ABCB5: variants seen among roughly 807,000 people sequenced by gnomAD.
The protein encoded by ABCB5 is ATP-binding cassette sub-family B member 5.
In ABCB5, 155 loss-of-function variants were observed where a neutral mutation model predicts 144.2. That is an observed-to-expected ratio of 1.08 (90% CI 0.94 to 1.23). The LOEUF (loss-of-function observed/expected upper bound fraction) is 1.23. Ranked by LOEUF, ABCB5 falls within the 50% of genes most tolerant of loss-of-function variation. The pLI, the probability that ABCB5 is intolerant of heterozygous loss-of-function variation, is 0.00. For missense variants in ABCB5, 1,830 were observed against 1,520.8 expected, an observed-to-expected ratio of 1.20 and a Z score of -3.38; for synonymous variants, 610 against 528.6, an observed-to-expected ratio of 1.15 and a Z score of -2.11.
intron 4 of ABCB5, among the ~76,000 whole-genome samples, chr7:20,630,874 G>A (rs1015128911): frequency 6.6e-6 from 1 of 152,140 alleles, no homozygotes; most frequent in African/African-American, 2.4e-5. Flanking sequence ...TCAAGGCTTC[G>A]CCAGTTTCCT....
At chr7:20,670,697 G>T (rs755292292) in intron 14 of ABCB5, among the ~76,000 whole-genome samples, 4 of 152,138 alleles carry the variant, frequency 2.6e-5, no homozygotes, top group Non-Finnish European at 5.9e-5. Context: ...ATCACCTGAG[G>T]TCGGGAGTTT....
intron 19 of ABCB5, among the ~76,000 whole-genome samples, chr7:20,702,658 T>C (rs1195840760): frequency 1.1e-4 from 3 of 28,452 alleles, no homozygotes; most frequent in Admixed American, 4.2e-4. Context: ...ATAATGGATT[T>C]TTTTTTTTTT....
intron 13 of ABCB5, among the ~76,000 whole-genome samples, chr7:20,655,669 T>C (rs1453730139): frequency 6.6e-6 from 1 of 152,150 alleles, no homozygotes; most frequent in East Asian, 1.9e-4. Context: ...TCTAAAGAAA[T>C]AGAAAGTACC....
chr7:20,642,381 C>T (rs1349277578), intron 5 of ABCB5, among the ~76,000 whole-genome samples: 3 of 152,160 alleles, frequency 2.0e-5, no homozygotes, highest in South Asian at 2.1e-4. Flanking sequence ...CTTAATTTCA[C>T]GTTTTGGATC....
At chr7:20,622,825 T>C (rs1783827513) in intron 1 of ABCB5, among the ~76,000 whole-genome samples, 1 of 152,124 alleles carries the variant, frequency 6.6e-6, no homozygotes, top group African/African-American at 2.4e-5. Flanking sequence ...TTTCGTAAAC[T>C]AGAAAACCCT....
rs780032555 is a variant in ABCB5, at chr7:20,739,000, C to T, written c.2885C>T (p.Ala962Val). The T allele has an allele frequency of 1.9e-5, 30 of 1,603,846 alleles. 1 individual carries two copies. The South Asian group carries it at 1.9e-4, about 10-fold the overall frequency. ...EGMFIVFTAIAYGAMAIGETL... is the reference protein window; with the variant it reads ...EGMFIVFTAIVYGAMAIGETL... ...TTTGATAGAGTTTTTACTGCAATTG[C>T]ATATGGAGCTATGGCCATCGGAGAA... The change falls in exon 24 of 28, where the codon GCA becomes GTA. Residue 962 changes from alanine to valine, a missense_variant. Coordinates refer to ENST00000404938, the MANE Select transcript of ABCB5 (RefSeq NM_001163941.2).
chr7:20,618,451 G>T (rs568692048), intron 1 of ABCB5, among the ~76,000 whole-genome samples: 1 of 152,260 alleles, frequency 6.6e-6, no homozygotes, highest in East Asian at 1.9e-4. Flanking sequence ...GTGCAGGCAG[G>T]TTTGTTACAT....
intron 21 of ABCB5, among the ~76,000 whole-genome samples, 193 bp downstream of exon 21, chr7:20,723,412 T>G (rs1349162968): frequency 6.6e-6 from 1 of 152,218 alleles, no homozygotes; most frequent in East Asian, 1.9e-4. Flanking sequence ...AGATATGTTA[T>G]AGCAATAGGG....
chr7:20,693,344 T>A (rs180920103), intron 16 of ABCB5, among the ~76,000 whole-genome samples: 13 of 151,736 alleles, frequency 8.6e-5, no homozygotes, highest in African/African-American at 2.7e-4. Context: ...CCATGTTGGG[T>A]AACAGAACAA....
At chr7:20,690,416 T>C (rs1057377093) in intron 16 of ABCB5, among the ~76,000 whole-genome samples, 17 of 152,178 alleles carry the variant, frequency 1.1e-4, no homozygotes, top group Admixed American at 2.6e-4. Context: ...TTTCTTGGAG[T>C]CCTATGTATC....
intron 14 of ABCB5, among the ~76,000 whole-genome samples, chr7:20,660,689 C>T (rs2128030774): frequency 6.6e-6 from 1 of 152,202 alleles, no homozygotes; most frequent in East Asian, 1.9e-4. Flanking sequence ...TCTAAGAGGC[C>T]CCAGACTCTG....
At chr7:20,705,927 G>T (rs969033670) in intron 20 of ABCB5, among the ~76,000 whole-genome samples, 1 of 151,874 alleles carries the variant, frequency 6.6e-6, no homozygotes, top group Non-Finnish European at 1.5e-5. Flanking sequence ...CATTCATTTT[G>T]GTTTACAAAG....
At chr7:20,629,037 AAAAT>A (rs201079745) in intron 4 of ABCB5, among the ~76,000 whole-genome samples, 199 bp downstream of exon 4, 6 of 152,104 alleles carry the variant, frequency 3.9e-5, no homozygotes, top group South Asian at 4.2e-4. Flanking sequence ...TAATTGAATT[AAAAT>A]AAATAAATAA....
intron 4 of ABCB5, among the ~76,000 whole-genome samples, chr7:20,629,773 AAGAAGG>A (rs995427746): frequency 3.3e-5 from 5 of 151,142 alleles, no homozygotes; most frequent in African/African-American, 9.7e-5. Context: ...AAAGAAAAAA[AAGAAGG>A]AGAAGGAGAA....
intron 27 of ABCB5, 149 bp downstream of exon 27, chr7:20,753,655 A>AAAGGTC: frequency 2.4e-6 from 2 of 850,382 alleles, no homozygotes; most frequent in Non-Finnish European, 3.3e-6. Flanking sequence ...TTGGACCTTT[A>AAAGGTC]CAAAAAGGTC....
At position 20,651,546 on chromosome 7, in the gene ABCB5, G is replaced by C. The variant is rs1562539491; in HGVS notation, c.1459G>C (p.Asp487His). The change falls in exon 13 of 28, where the codon GAT becomes CAT. Residue 487 changes from aspartate (D) to histidine (H), a missense_variant. By Grantham distance (81) the Asp-to-His change is moderately conservative (BLOSUM62 -1). Coordinates refer to ENST00000404938, the MANE Select transcript of ABCB5 (RefSeq NM_001163941.2). ...CAGTAACAATATCAAGTATGGACGA[G>C]ATGATGTGACTGATGAAGAGATGGA... ...TISNNIKYGR[D>H]DVTDEEMERA... The C allele has an allele frequency of 6.2e-7, 1 of 1,614,098 alleles. No homozygotes were observed. The highest frequency in any genetic ancestry group is 2.2e-5 in the East Asian group (1 of 44,884).
At chr7:20,744,224 T>C (rs984163774) in intron 25 of ABCB5, among the ~76,000 whole-genome samples, 1 of 151,946 alleles carries the variant, frequency 6.6e-6, no homozygotes, top group African/African-American at 2.4e-5. Context: ...TGTGCCACCA[T>C]GTCCAGTTAG....
rs566270998 is a variant in ABCB5 at position 20,741,827 on chromosome 7, T to C, written c.3025-1050T>C. On this transcript the variant is annotated intron_variant, in intron 24 of 27. Coordinates refer to ENST00000404938, the MANE Select transcript of ABCB5 (RefSeq NM_001163941.2). ...ACAAATCCACTACTCCTTAGTTGTT[T>C]AGTCTAACAACAAAAATTAATAAGA... 7.4e-4 allele frequency among the ~76,000 whole-genome samples: 112 copies of C among 152,248 alleles called. 2 individuals are homozygous for C. The East Asian group carries it at 0.016, about 22-fold the overall frequency.
intron 23 of ABCB5, among the ~76,000 whole-genome samples, chr7:20,734,717 G>A (rs1425573523): frequency 6.6e-6 from 1 of 152,002 alleles, no homozygotes; most frequent in African/African-American, 2.4e-5. Context: ...TATCCTAGAA[G>A]TTTATCTGAA....
Sources: gnomAD v4.1 joint callset for allele counts (sites outside exome capture counted in the v4.1 genomes callset) on GRCh38, gnomAD v4.1.1 for gene constraint, MANE v1.5 for transcripts, NCBI Gene and HGNC (gene_info 2026-07-23, HGNC 2026-07-21) for gene names.